RFTN1: variants seen among roughly 807,000 people sequenced by gnomAD.
RFTN1 encodes raftlin, lipid raft linker 1.
In RFTN1, 26 loss-of-function variants were observed where a neutral mutation model predicts 46.5. The ratio of observed to expected loss-of-function variants is 0.56; its 90% CI spans 0.41 to 0.78. The LOEUF (loss-of-function observed/expected upper bound fraction) is 0.78, where lower values mean the gene tolerates loss of function less well. RFTN1 is among the 30% of genes least tolerant of loss of function. The pLI is 0.00. For synonymous variants in RFTN1, 261 were observed against 284.2 expected (o/e 0.92, Z 0.82); for missense variants, 693 against 718.7 (o/e 0.96, Z 0.41).
At position 16,387,595 on chromosome 3, in the gene RFTN1, TCTC is replaced by T; in HGVS notation, c.442-9496_442-9494del. Among the ~76,000 whole-genome samples the T allele has an allele frequency of 6.6e-6, 1 of 151,096 alleles. No individual in the cohort carries two copies. Among genetic ancestry groups the T allele is most frequent in the Admixed American group, 6.6e-5 (1 of 15,182 alleles). ...TTCTCTCTCTCTCTCTCTCTCTCTC[TCTC>T]TCTCTCTCTCTCTACTGGCTCCTTC... is the stretch of plus-strand genomic sequence containing the variant. On this transcript the variant is annotated intron_variant, in intron 4 of 9. Coordinates refer to ENST00000334133, the MANE Select transcript of RFTN1 (RefSeq NM_015150.2). This position sits in a 1 kb window ranked among gnomAD's most constrained non-coding sequence, Gnocchi z 5.2.
At chr3:16,323,080 G>A (rs1049845828) in intron 9 of RFTN1, among the ~76,000 whole-genome samples, 7 of 152,178 alleles carry the variant, frequency 4.6e-5, no homozygotes, top group African/African-American at 7.2e-5. Flanking sequence ...CTGACTTCGT[G>A]CCCTTCTTTT....
chr3:16,464,145 G>T (rs1333279441), intron 2 of RFTN1, among the ~76,000 whole-genome samples: 1 of 152,170 alleles, frequency 6.6e-6, no homozygotes, highest in Non-Finnish European at 1.5e-5. Context: ...TGAAGGGAAA[G>T]CCAACTGTGC....
rs1024763745 is a variant in RFTN1, at chr3:16,410,263, T to G, written c.333-780A>C. Among the ~76,000 whole-genome samples, 1 of 141,454 alleles carries G rather than the reference T, an allele frequency of 7.1e-6. No homozygotes were observed. Among genetic ancestry groups the G allele is most frequent in the African/African-American group, 2.7e-5 (1 of 36,808 alleles). 92.8% of individuals were successfully genotyped at this position (141,454 alleles called of 152,430 possible). A position where few individuals can be genotyped will look rare whatever the true frequency, so the allele number is the denominator to read the frequency against. On this transcript the variant is annotated intron_variant, in intron 3 of 9. Transcript: ENST00000334133. This position sits in a 1 kb window ranked among gnomAD's most constrained non-coding sequence, Gnocchi z 4.6. ...CACACACACACACACACACACAAAC[T>G]CTCACTCCAGTAATGTCTATGTCCC...
In RFTN1 at chr3:16,334,247, A is replaced by G. The variant is rs2070634413; in HGVS notation, c.1147-7371T>C. Reference sequence around the variant, plus strand: ...CACCTATTGAACTGGTAAAAACCCAAAAGTTAGGCAGCCCGCTTTGTTGCC... The same window carrying G: ...CACCTATTGAACTGGTAAAAACCCAGAAGTTAGGCAGCCCGCTTTGTTGCC... On this transcript the variant is annotated intron_variant, in intron 7 of 9. Transcript: ENST00000334133. This position sits in a 1 kb window ranked among gnomAD's most constrained non-coding sequence, Gnocchi z 4.3. 6.6e-6 allele frequency among the ~76,000 whole-genome samples: 1 copy of G among 152,188 alleles called. No homozygotes were observed. The highest frequency in any genetic ancestry group is 2.4e-5 in the African/African-American group (1 of 41,440).
In RFTN1 at chr3:16,370,040, A is replaced by T. The variant is rs1454000146; in HGVS notation, c.1030+36T>A. 6.3e-7 allele frequency: 1 copy of T among 1,598,366 alleles called. No individual in the cohort carries two copies. Among genetic ancestry groups the T allele is most frequent in the South Asian group, 1.1e-5 (1 of 90,712 alleles). ...TTCAAGAGTTAGAAGCAGAGTTCAC[A>T]AAGGGCCACCCAAGGACTGTGAATT... On this transcript the variant is annotated intron_variant, in intron 6 of 9. Transcript: ENST00000334133. This position sits in a 1 kb window ranked among gnomAD's most constrained non-coding sequence, Gnocchi z 5.5.
chr3:16,497,653 A>G (rs1236053227), intron 1 of RFTN1, among the ~76,000 whole-genome samples: 1 of 152,170 alleles, frequency 6.6e-6, no homozygotes, highest in African/African-American at 2.4e-5. Context: ...TCCAAGAAGG[A>G]GCTTGTTCCT....
chr3:16,503,558 A>G (rs1032346026), intron 1 of RFTN1, among the ~76,000 whole-genome samples: 1 of 151,570 alleles, frequency 6.6e-6, no homozygotes, highest in African/African-American at 2.4e-5. Context: ...GTCTTTTCCC[A>G]CTCCTAGCCC....
chr3:16,511,398 A>T (rs1195227346), intron 1 of RFTN1, among the ~76,000 whole-genome samples: 2 of 152,218 alleles, frequency 1.3e-5, no homozygotes. Flanking sequence ...GCATAAAACC[A>T]TCAGCTGGAC....
In RFTN1 at chr3:16,422,787, T is replaced by A. The variant is rs150305662; in HGVS notation, c.332+11064A>T. Among the ~76,000 whole-genome samples, 1,008 of 152,338 alleles carry A rather than the reference T, an allele frequency of 6.6e-3. 8 individuals are homozygous for A. The highest frequency in any genetic ancestry group is 8.0e-3 in the Non-Finnish European group (545 of 68,032). ...GATGTACATATAGAAATCCTAACTA[T>A]AATAAAGGTGGCATTTATTCAATGG... is the stretch of plus-strand genomic sequence containing the variant. On this transcript the variant is annotated intron_variant, in intron 3 of 9. Coordinates refer to ENST00000334133, the MANE Select transcript of RFTN1 (RefSeq NM_015150.2). The surrounding 1 kb of genome is among the most constrained non-coding windows in gnomAD (Gnocchi z 4.6).
At position 16,353,924 on chromosome 3, in the gene RFTN1, C is replaced by A. The variant is rs2072256068; in HGVS notation, c.1146+4008G>T. Among the ~76,000 whole-genome samples the A allele has an allele frequency of 6.6e-6, 1 of 152,174 alleles. No individual in the cohort carries two copies. Among genetic ancestry groups the A allele is most frequent in the South Asian group, 2.1e-4 (1 of 4,834 alleles). On this transcript the variant is annotated intron_variant, in intron 7 of 9. Coordinates refer to ENST00000334133, the MANE Select transcript of RFTN1 (RefSeq NM_015150.2). This position sits in a 1 kb window ranked among gnomAD's most constrained non-coding sequence, Gnocchi z 5.4. ...ATTTCTGTCGTTTAATCCGTCTAGT[C>A]TGGTATTTTGTTATGGCAGCCCAAG... is the stretch of plus-strand genomic sequence containing the variant.
chr3:16,387,087 A>ATGAG lies in RFTN1; in HGVS notation c.442-8989_442-8986dup, dbSNP rs2125395169. Among the ~76,000 whole-genome samples, 1 of 152,306 alleles carries ATGAG rather than the reference A, an allele frequency of 6.6e-6. No homozygotes were observed. The highest frequency in any genetic ancestry group is 1.9e-4 in the East Asian group (1 of 5,188). ...GAAAGCTGCTTTAAGAGGCACACAG[A>ATGAG]TGAGTGTTCCTTCTCTTCCTTCCCT... is the stretch of plus-strand genomic sequence containing the variant. On this transcript the variant is annotated intron_variant, in intron 4 of 9. Coordinates refer to ENST00000334133, the MANE Select transcript of RFTN1 (RefSeq NM_015150.2). This position sits in a 1 kb window ranked among gnomAD's most constrained non-coding sequence, Gnocchi z 5.2.
rs556292734 is a variant in RFTN1 at position 16,333,981 on chromosome 3, C to T, written c.1147-7105G>A. On this transcript the variant is annotated intron_variant, in intron 7 of 9. Coordinates refer to ENST00000334133, the MANE Select transcript of RFTN1 (RefSeq NM_015150.2). Reference sequence around the variant, plus strand: ...GAGATCGAGACCATCCGGGCTAACACGGTGAAACCCCGTCTCTACTAAAAA... The same window carrying T: ...GAGATCGAGACCATCCGGGCTAACATGGTGAAACCCCGTCTCTACTAAAAA... Among the ~76,000 whole-genome samples the T allele has an allele frequency of 1.5e-4, 23 of 151,928 alleles. 1 individual carries two copies. Among genetic ancestry groups the T allele is most frequent in the South Asian group, 6.2e-4 (3 of 4,806 alleles).
intron 2 of RFTN1, among the ~76,000 whole-genome samples, chr3:16,453,581 G>A (rs1012700939): frequency 2.6e-5 from 4 of 152,158 alleles, no homozygotes; most frequent in African/African-American, 4.8e-5. Context: ...TGATTACAGC[G>A]AAGAAAAACA....
chr3:16,507,000 G>GTCAT lies in RFTN1; in HGVS notation c.-9+6441_-9+6442insATGA. On this transcript the variant is annotated intron_variant, in intron 1 of 9. Coordinates refer to ENST00000334133, the MANE Select transcript of RFTN1 (RefSeq NM_015150.2). This position sits in a 1 kb window ranked among gnomAD's most constrained non-coding sequence, Gnocchi z 4.8. ...ACAGGGGTTGGTCATACAGGCTCTG[G>GTCAT]AACCAGACTGACTAGGTTCAAATCC... Among the ~76,000 whole-genome samples the GTCAT allele has an allele frequency of 6.6e-6, 1 of 152,230 alleles. No individual in the cohort carries two copies. The highest frequency in any genetic ancestry group is 2.1e-4 in the South Asian group (1 of 4,816).
chr3:16,345,830 GCGCGCACGCGCACA>G lies in RFTN1; in HGVS notation c.1146+12088_1146+12101del, dbSNP rs747338035. Among the ~76,000 whole-genome samples, 11,775 of 81,274 alleles carry G rather than the reference GCGCGCACGCGCACA, an allele frequency of 0.14. 569 individuals carry two copies. Among genetic ancestry groups the G allele is most frequent in the Middle Eastern group, 0.23 (39 of 172 alleles). The allele number at this position is 81,274 out of a possible 152,430, so 53.3% of individuals were successfully genotyped here. A position where few individuals can be genotyped will look rare whatever the true frequency, so the allele number is the denominator to read the frequency against. ...TGTGTGTGTGTGTGCGCGCGCGCGT[GCGCGCACGCGCACA>G]TGTGCATGTGTATGTGTATAATCTC... On this transcript the variant is annotated intron_variant, in intron 7 of 9. Transcript: ENST00000334133. This position sits in a 1 kb window ranked among gnomAD's most constrained non-coding sequence, Gnocchi z 5.2.
rs541243532 is a variant in RFTN1 at position 16,429,643 on chromosome 3, G to A, written c.332+4208C>T. Among the ~76,000 whole-genome samples the A allele has an allele frequency of 6.6e-6, 1 of 152,314 alleles. No individual in the cohort carries two copies. Among genetic ancestry groups the A allele is most frequent in the Admixed American group, 6.5e-5 (1 of 15,304 alleles). On this transcript the variant is annotated intron_variant, in intron 3 of 9. Coordinates refer to ENST00000334133, the MANE Select transcript of RFTN1 (RefSeq NM_015150.2). This position sits in a 1 kb window ranked among gnomAD's most constrained non-coding sequence, Gnocchi z 6.4. ...AACTTCCCACCACATAGAGCTCCTA[G>A]CACAATACTCTGAAAAGAGTACTCA...
In RFTN1 at chr3:16,315,963, C is replaced by T. The variant is rs2068345845; in HGVS notation, c.*865G>A. The T allele has an allele frequency of 2.0e-5, 3 of 152,384 alleles. No homozygotes were observed. Among genetic ancestry groups the T allele is most frequent in the Middle Eastern group, 3.4e-3 (1 of 294 alleles). The allele number at this position is 152,384 out of a possible 1,614,324, so 9.4% of individuals were successfully genotyped here. The stretch of plus-strand genomic sequence containing the variant: ...CCTCTCCAAGGTTCGCCAGTTGCAT[C>T]TACCTAAAGCCTTAATACTTTCTGG... On this transcript the variant is annotated 3_prime_UTR_variant, in exon 10 of 10. Coordinates refer to ENST00000334133, the MANE Select transcript of RFTN1 (RefSeq NM_015150.2).
In RFTN1 at chr3:16,385,313, T is replaced by G. The variant is rs78693868; in HGVS notation, c.442-7211A>C. On this transcript the variant is annotated intron_variant, in intron 4 of 9. Coordinates refer to ENST00000334133, the MANE Select transcript of RFTN1 (RefSeq NM_015150.2). This position sits in a 1 kb window ranked among gnomAD's most constrained non-coding sequence, Gnocchi z 5.0. ...TTGAGCTCACATCTGAAGCCGCCTT[T>G]AGTTTTGACATGTTAACACTTAGCT... 3.5e-3 allele frequency among the ~76,000 whole-genome samples: 527 copies of G among 152,322 alleles called. No homozygotes were observed. The highest frequency in any genetic ancestry group is 0.012 in the African/African-American group (512 of 41,558).
At chr3:16,398,045 G>C (rs2074510910) in intron 4 of RFTN1, among the ~76,000 whole-genome samples, 1 of 151,964 alleles carries the variant, frequency 6.6e-6, no homozygotes, top group East Asian at 1.9e-4. Context: ...AGGAGTTCGA[G>C]ACCAGCCTGC....
Sources: gnomAD v4.1 joint callset for allele counts (sites outside exome capture counted in the v4.1 genomes callset) on GRCh38, gnomAD v4.1.1 for gene constraint, Gnocchi (gnomAD v3.1) non-coding constraint, MANE v1.5 for transcripts, NCBI Gene and HGNC (gene_info 2026-07-23, HGNC 2026-07-21) for gene names.